The following CHSY3 variants were observed in gnomAD, a reference collection of about 807,000 sequenced individuals.
CHSY3 encodes N-acetylgalactosaminyl-proteoglycan 3-beta-glucuronosyltransferase 3.
CHSY3 carries 35 observed loss-of-function variants against 67.2 expected under a neutral mutation model. That is an observed-to-expected ratio of 0.52 (90% CI 0.40 to 0.69). The LOEUF (loss-of-function observed/expected upper bound fraction) is 0.69, where lower values mean the gene tolerates loss of function less well. CHSY3 is among the 30% of genes least tolerant of loss of function. The pLI is 0.00. For synonymous variants in CHSY3, 474 were observed against 434.7 expected (o/e 1.09, Z -1.12); for missense variants, 1,069 against 1,138.5 (o/e 0.94, Z 0.88).
intron 2 of CHSY3, among the ~76,000 whole-genome samples, chr5:129,910,604 A>G (rs560381487): frequency 1.5e-3 from 225 of 152,156 alleles, no homozygotes; most frequent in Non-Finnish European, 2.7e-3. Flanking sequence ...GTAAAGATAC[A>G]TATACAAAGA....
At chr5:130,110,804 A>T (rs1167600576) in intron 2 of CHSY3, among the ~76,000 whole-genome samples, 1 of 152,014 alleles carries the variant, frequency 6.6e-6, no homozygotes, top group Non-Finnish European at 1.5e-5. Context: ...TCTGTATATT[A>T]TATCCCTGAT....
At chr5:130,129,736 T>A (rs79314233) in intron 2 of CHSY3, among the ~76,000 whole-genome samples, 6,886 of 152,234 alleles carry the variant, frequency 0.045, 430 homozygotes, top group East Asian at 0.27. Context: ...ACTGCCCGTT[T>A]CTAGTTGTGT....
chr5:130,034,750 A>T (rs951493390), intron 2 of CHSY3, among the ~76,000 whole-genome samples: 2 of 152,176 alleles, frequency 1.3e-5, no homozygotes, highest in Non-Finnish European at 2.9e-5. Flanking sequence ...ATGGGAGAAG[A>T]CAGTGTTTTG....
chr5:130,159,353 C>G (rs1769463636), intron 2 of CHSY3, among the ~76,000 whole-genome samples: 1 of 151,396 alleles, frequency 6.6e-6, no homozygotes, highest in South Asian at 2.1e-4. Context: ...TTTGTAGTGA[C>G]AGGGTTTCAC....
At chr5:129,959,430 G>T (rs904917121) in intron 2 of CHSY3, among the ~76,000 whole-genome samples, 2 of 151,976 alleles carry the variant, frequency 1.3e-5, no homozygotes, top group Non-Finnish European at 2.9e-5. Context: ...TTGAAATTTG[G>T]ATGTTATGAA....
intron 2 of CHSY3, among the ~76,000 whole-genome samples, chr5:130,136,968 G>A (rs1048422964): frequency 6.6e-6 from 1 of 152,080 alleles, no homozygotes; most frequent in African/African-American, 2.4e-5. Context: ...CTTCAAAATT[G>A]TTAGGGGTTT....
chr5:129,954,389 A>G (rs765688588), intron 2 of CHSY3, among the ~76,000 whole-genome samples: 1 of 151,144 alleles, frequency 6.6e-6, no homozygotes, highest in African/African-American at 2.4e-5. Flanking sequence ...GTGGCCTTAT[A>G]GTATAGTTTG....
chr5:130,184,981 G>A lies in CHSY3; in HGVS notation c.1839G>A (p.Met613Ile), dbSNP rs1205384075. The change falls in exon 3 of 3, where the codon ATG (methionine) becomes ATA (isoleucine). Residue 613 changes from methionine to isoleucine, a missense_variant. Transcript: ENST00000305031. ...CTTCTTTTCAAGGTGCCAAAGAAAT[G>A]GGAGGGCACAATGAAAAGAAAGTAC... is the stretch of plus-strand genomic sequence containing the variant. ...ILSSFQGAKE[M>I]GGHNEKKVHI... The A allele has an allele frequency of 1.3e-6, 2 of 1,557,028 alleles. No individual in the cohort carries two copies. The highest frequency in any genetic ancestry group is 1.1e-5 in the South Asian group (1 of 89,934).
At chr5:130,132,657 C>T (rs1768521709) in intron 2 of CHSY3, among the ~76,000 whole-genome samples, 1 of 152,072 alleles carries the variant, frequency 6.6e-6, no homozygotes, top group South Asian at 2.1e-4. Context: ...TACAGATAGC[C>T]CAGTGGTTCT....
At chr5:129,976,240 T>C (rs1316827663) in intron 2 of CHSY3, among the ~76,000 whole-genome samples, 1 of 152,124 alleles carries the variant, frequency 6.6e-6, no homozygotes. Context: ...CAGTCTTTGA[T>C]GAACTGGAAG....
intron 2 of CHSY3, among the ~76,000 whole-genome samples, chr5:130,171,800 G>T (rs1438301014): frequency 6.6e-6 from 1 of 151,306 alleles, no homozygotes; most frequent in East Asian, 2.1e-4. Flanking sequence ...TAAACAGAAG[G>T]AAAACCTTCT....
intron 2 of CHSY3, among the ~76,000 whole-genome samples, chr5:130,047,747 G>T (rs191123774): frequency 3.3e-5 from 5 of 152,064 alleles, no homozygotes; most frequent in Admixed American, 1.3e-4. Context: ...AGGAAATGGA[G>T]ATCAATATAT....
At chr5:130,089,985 G>C (rs1026888680) in intron 2 of CHSY3, among the ~76,000 whole-genome samples, 1 of 152,138 alleles carries the variant, frequency 6.6e-6, no homozygotes, top group African/African-American at 2.4e-5. Context: ...ACAGTAGAGG[G>C]AACGCATCTT....
intron 2 of CHSY3, among the ~76,000 whole-genome samples, chr5:129,923,690 T>A (rs1169816072): frequency 6.6e-6 from 1 of 152,086 alleles, no homozygotes; most frequent in Non-Finnish European, 1.5e-5. Flanking sequence ...GGAAACACAA[T>A]TGGCAGATCA....
intron 2 of CHSY3, among the ~76,000 whole-genome samples, chr5:130,063,233 G>A (rs977388846): frequency 6.6e-6 from 1 of 151,980 alleles, no homozygotes; most frequent in African/African-American, 2.4e-5. Flanking sequence ...TTTGATTTTG[G>A]GGGTGGGGAG....
At position 130,077,746 on chromosome 5, in the gene CHSY3, AC is replaced by A. The variant is rs530063329; in HGVS notation, c.1087-106482del. On this transcript the variant is annotated intron_variant, in intron 2 of 2. Coordinates refer to ENST00000305031, the MANE Select transcript of CHSY3 (RefSeq NM_175856.5). ...TAGCGATCCTGTATCTCTTTAAATT[AC>A]TGTGTCTAACTTTTTAATAAACCTA... Among the ~76,000 whole-genome samples the A allele has an allele frequency of 1.8e-3, 270 of 152,062 alleles. 2 individuals carry two copies. The highest frequency in any genetic ancestry group is 6.3e-3 in the African/African-American group (262 of 41,522).
At chr5:129,966,873 G>T (rs1174602024) in intron 2 of CHSY3, among the ~76,000 whole-genome samples, 2 of 151,772 alleles carry the variant, frequency 1.3e-5, no homozygotes, top group African/African-American at 4.8e-5. Flanking sequence ...CTTTCTTGAT[G>T]ATCAAGTTGT....
At chr5:130,068,210 A>C (rs568992244) in intron 2 of CHSY3, among the ~76,000 whole-genome samples, 7 of 152,306 alleles carry the variant, frequency 4.6e-5, no homozygotes, top group Non-Finnish European at 2.9e-5. Context: ...AATTAGCTCT[A>C]TAATTGCAAG....
chr5:129,967,279 A>T (rs58619757), intron 2 of CHSY3, among the ~76,000 whole-genome samples: 3,876 of 151,940 alleles, frequency 0.026, 169 homozygotes, highest in African/African-American at 0.088. Context: ...TCAACATTTG[A>T]TACAAGAGGA....
Sources: allele counts gnomAD v4.1 joint callset (sites outside exome capture counted in the v4.1 genomes callset), GRCh38; gene constraint gnomAD v4.1.1; transcripts MANE v1.5; gene names NCBI Gene and HGNC (gene_info 2026-07-23, HGNC 2026-07-21).